Variants in LUZP1 observed in about 807,000 individuals in gnomAD.
LUZP1 encodes leucine zipper protein 1, also known as filamin mechanobinding actin cross-linking protein.
A neutral mutation model predicts 71.3 loss-of-function variants in LUZP1; 25 were observed. That is an observed-to-expected ratio of 0.35 (90% CI 0.26 to 0.49). The LOEUF (loss-of-function observed/expected upper bound fraction) is 0.49. Ranked by LOEUF, LUZP1 falls within the 20% of genes least tolerant of loss-of-function variation. The pLI, the probability that LUZP1 is intolerant of heterozygous loss-of-function variation, is 0.99. For missense variants in LUZP1, 1,142 were observed against 1,300.8 expected (o/e 0.88, Z 1.88); for synonymous variants, 481 against 506.4 (o/e 0.95, Z 0.67).
At chr1:23,139,017 AAAATATATATAT>A (rs1644280740) in intron 2 of LUZP1, among the ~76,000 whole-genome samples, 1 of 82,494 alleles carries the variant, frequency 1.2e-5, no homozygotes, top group African/African-American at 6.5e-5. Context: ...AAAAAAAAAA[AAAATATATATAT>A]ATATATATAT....
intron 2 of LUZP1, among the ~76,000 whole-genome samples, chr1:23,129,864 C>T (rs1644200456): frequency 6.6e-6 from 1 of 152,012 alleles, no homozygotes; most frequent in African/African-American, 2.4e-5. Flanking sequence ...GTATATCTGC[C>T]AGGGCTGAGT....
At chr1:23,091,845 G>C (rs1429453490) in exon 4 of LUZP1, 1 of 1,613,972 alleles carries the variant, frequency 6.2e-7, no homozygotes, top group Admixed American at 1.7e-5. Flanking sequence ...AGCAGCTCTG[G>C]GGCTGCTGCT....
chr1:23,143,497 A>C (rs1486952827), intron 2 of LUZP1, among the ~76,000 whole-genome samples: 1 of 152,188 alleles, frequency 6.6e-6, no homozygotes, highest in Non-Finnish European at 1.5e-5. Flanking sequence ...GTTACTGGTG[A>C]TGGTATGACT....
At chr1:23,110,628 G>GCA (rs1433726525) in intron 2 of LUZP1, among the ~76,000 whole-genome samples, 495 of 49,014 alleles carry the variant, frequency 0.01, 4 homozygotes, top group African/African-American at 0.02. Context: ...GCATGAACGC[G>GCA]CACACATACA....
rs570985313 is a variant in LUZP1, at chr1:23,122,485, C to T, written c.-225-13358G>A. ...ACCAGCAGCAGCTTGCCCCTTCCCC[C>T]AGTTAGTCCCCATTACCAACGCCCT... On this transcript the variant is annotated intron_variant, in intron 2 of 4. Transcript: ENST00000302291. Among the ~76,000 whole-genome samples the T allele has an allele frequency of 2.0e-5, 3 of 152,298 alleles. No individual in the cohort carries two copies. The East Asian group carries it at 5.8e-4, about 29-fold the overall frequency.
At chr1:23,157,389 G>A (rs992557497) in intron 2 of LUZP1, among the ~76,000 whole-genome samples, 3 of 152,084 alleles carry the variant, frequency 2.0e-5, no homozygotes, top group Admixed American at 1.3e-4. Context: ...TTAAAAAGCC[G>A]TCCTAGGCCA....
chr1:23,098,992 C>T (rs1643911540), intron 3 of LUZP1, among the ~76,000 whole-genome samples: 1 of 152,160 alleles, frequency 6.6e-6, no homozygotes, highest in Admixed American at 6.5e-5. Context: ...CAGATTCTGC[C>T]CACCCCGAAT....
At chr1:23,139,864 C>T (rs1644288990) in intron 2 of LUZP1, among the ~76,000 whole-genome samples, 1 of 151,430 alleles carries the variant, frequency 6.6e-6, no homozygotes, top group African/African-American at 2.4e-5. Context: ...GTGGGAGGAT[C>T]ACTTGAGCCT....
At chr1:23,153,292 T>C (rs1644397757) in intron 2 of LUZP1, among the ~76,000 whole-genome samples, 1 of 152,222 alleles carries the variant, frequency 6.6e-6, no homozygotes, top group African/African-American at 2.4e-5. Context: ...TTGCCCTTGA[T>C]TTGCTCTTGC....
Position 23,134,442 on chromosome 1 carries a change from A to G in LUZP1, c.-225-25315T>C, listed in dbSNP as rs113955032. 8.5e-3 allele frequency among the ~76,000 whole-genome samples: 1,294 copies of G among 152,284 alleles called. 11 individuals carry two copies. Among genetic ancestry groups the G allele is most frequent in the Non-Finnish European group, 0.012 (843 of 68,008 alleles). On this transcript the variant is annotated intron_variant, in intron 2 of 4. Coordinates refer to ENST00000302291, the Ensembl canonical transcript of LUZP1. ...GGCTACAGTGAAGTATGAACACACC[A>G]CTGCACTCCAGCTTTGGTGAAAAAG...
chr1:23,120,262 T>C (rs569034166), intron 2 of LUZP1, among the ~76,000 whole-genome samples: 2 of 152,106 alleles, frequency 1.3e-5, no homozygotes, highest in East Asian at 3.9e-4. Flanking sequence ...AATTATTGAA[T>C]GCCCAGAATC....
chr1:23,155,186 T>C (rs1386420607), intron 2 of LUZP1, among the ~76,000 whole-genome samples: 2 of 152,216 alleles, frequency 1.3e-5, no homozygotes, highest in African/African-American at 4.8e-5. Context: ...CCTAACTACA[T>C]TTTCTAAATA....
chr1:23,129,602 G>A (rs1644198696), intron 2 of LUZP1, among the ~76,000 whole-genome samples: 1 of 151,954 alleles, frequency 6.6e-6, no homozygotes, highest in Non-Finnish European at 1.5e-5. Context: ...AAATAAATAA[G>A]ACAATGAACT....
intron 2 of LUZP1, among the ~76,000 whole-genome samples, chr1:23,137,686 T>C (rs538862652): frequency 6.6e-6 from 1 of 151,754 alleles, no homozygotes; most frequent in Non-Finnish European, 1.5e-5. Context: ...GGTATGGCTG[T>C]AATAAAAAAA....
At chr1:23,147,370 G>A (rs992473763) in intron 2 of LUZP1, among the ~76,000 whole-genome samples, 5 of 150,810 alleles carry the variant, frequency 3.3e-5, no homozygotes, top group African/African-American at 1.2e-4. Context: ...GAACTCAGGA[G>A]GCAGAAGTTG....
chr1:23,174,856 C>A (rs1028129412), intron 1 of LUZP1, among the ~76,000 whole-genome samples: 1 of 152,116 alleles, frequency 6.6e-6, no homozygotes, highest in Non-Finnish European at 1.5e-5. Context: ...CTATCATCCC[C>A]AAAATGGCAT....
rs368873274 is a variant in LUZP1, at chr1:23,088,613, T to C, written c.*282A>G. Reference sequence around the variant, plus strand: ...TGCTGGGGACTTTATCTTCCCTTGTTTGGGGGCCAGAATGGTCCAACTACT... The same window carrying C: ...TGCTGGGGACTTTATCTTCCCTTGTCTGGGGGCCAGAATGGTCCAACTACT... On this transcript the variant is annotated 3_prime_UTR_variant, in exon 5 of 5. Transcript: ENST00000302291. The C allele has an allele frequency of 7.5e-4, 242 of 322,156 alleles. 7 individuals carry two copies. The South Asian group carries it at 0.013, about 18-fold the overall frequency. 20.0% of individuals were successfully genotyped at this position (322,156 alleles called of 1,614,324 possible). A position where few individuals can be genotyped will look rare whatever the true frequency, so the allele number is the denominator to read the frequency against.
At chr1:23,098,467 G>C (rs1192228474) in intron 3 of LUZP1, among the ~76,000 whole-genome samples, 1 of 152,178 alleles carries the variant, frequency 6.6e-6, no homozygotes, top group Non-Finnish European at 1.5e-5. Context: ...TGGGGGAGTA[G>C]GGAGAAGTAG....
chr1:23,103,472 T>A (rs1366969453), intron 3 of LUZP1, among the ~76,000 whole-genome samples: 2 of 152,108 alleles, frequency 1.3e-5, no homozygotes, highest in East Asian at 1.9e-4. Flanking sequence ...TTAGAGATCA[T>A]CTAGTCCAAC....
Sources: gnomAD v4.1 joint callset for allele counts (sites outside exome capture counted in the v4.1 genomes callset) on GRCh38, gnomAD v4.1.1 for gene constraint, MANE v1.5 for transcripts, NCBI Gene and HGNC (gene_info 2026-07-23, HGNC 2026-07-21) for gene names.